The following AGAP1 variants were observed in gnomAD, a reference collection of about 807,000 sequenced individuals.
AGAP1 encodes arf-GAP with GTPase, ANK repeat and PH domain-containing protein 1.
Under a neutral mutation model 105.3 loss-of-function variants are expected in AGAP1, and 29 were observed. The ratio of observed to expected loss-of-function variants is 0.28; its 90% CI spans 0.21 to 0.38. AGAP1 has a LOEUF of 0.38. AGAP1 is among the 10% of genes least tolerant of loss of function. The probability of loss-of-function intolerance (pLI) is 1.00; values close to 1 mark genes in which losing one functional copy is unlikely to be tolerated. For synonymous variants in AGAP1, 509 were observed against 485.9 expected, an observed-to-expected ratio of 1.05 and a Z score of -0.63; for missense variants, 998 against 1,165.1, an observed-to-expected ratio of 0.86 and a Z score of 2.09.
Position 235,717,498 on chromosome 2 carries a change from T to TG in AGAP1, c.223-58dup, listed in dbSNP as rs1951175547. 4 of 1,467,630 alleles carry TG rather than the reference T, an allele frequency of 2.7e-6. No homozygotes were observed. In the African/African-American group the frequency reaches 4.3e-5, roughly 16 times the overall value. 90.9% of individuals were successfully genotyped at this position (1,467,630 alleles called of 1,614,324 possible). The stretch of plus-strand genomic sequence containing the variant: ...CTGTCTATTTTAGCCTCTTAGTATT[T>TG]GCAAAATGCCAAATAGAGTGATTTG... On this transcript the variant is annotated intron_variant, in intron 2 of 17. Coordinates refer to ENST00000304032, the MANE Select transcript of AGAP1 (RefSeq NM_001037131.3).
intron 12 of AGAP1, among the ~76,000 whole-genome samples, chr2:235,932,087 A>G (rs1006668532): frequency 1.3e-5 from 2 of 152,344 alleles, no homozygotes; most frequent in South Asian, 2.1e-4. Flanking sequence ...TGAAAACCCC[A>G]AACAAGGAGG....
rs1159602622 is a variant in AGAP1, at chr2:236,090,978, A to G, written c.2115-29214A>G. ...GGTGTCGACCTCCTGACCTCAGGTG[A>G]TCTGCCCACCTCGGCCTCCCGAAGT... is the stretch of plus-strand genomic sequence containing the variant. On this transcript the variant is annotated intron_variant, in intron 16 of 17. Coordinates refer to ENST00000304032, the MANE Select transcript of AGAP1 (RefSeq NM_001037131.3). The surrounding 1 kb of genome is among the most constrained non-coding windows in gnomAD (Gnocchi z 4.3). Among the ~76,000 whole-genome samples the G allele has an allele frequency of 6.6e-6, 1 of 152,174 alleles. No homozygotes were observed. The highest frequency in any genetic ancestry group is 1.5e-5 in the Non-Finnish European group (1 of 68,028).
chr2:235,688,610 G>A (rs970857226), intron 1 of AGAP1, among the ~76,000 whole-genome samples: 1 of 152,180 alleles, frequency 6.6e-6, no homozygotes, highest in African/African-American at 2.4e-5. Context: ...TCCAGTTATA[G>A]GTGGGTGGGA....
At chr2:235,602,113 A>G (rs555872791) in intron 1 of AGAP1, among the ~76,000 whole-genome samples, 2 of 152,310 alleles carry the variant, frequency 1.3e-5, no homozygotes, top group South Asian at 4.1e-4. Context: ...CTGCTTCTGT[A>G]TGGCTTTCTA....
chr2:236,108,979 A>G (rs2059577479), intron 16 of AGAP1, among the ~76,000 whole-genome samples: 1 of 152,186 alleles, frequency 6.6e-6, no homozygotes. Flanking sequence ...TTACCCCTTG[A>G]CAATGTGCTG....
intron 9 of AGAP1, among the ~76,000 whole-genome samples, chr2:235,857,593 G>A (rs1489409900): frequency 6.6e-6 from 1 of 152,140 alleles, no homozygotes; most frequent in Non-Finnish European, 1.5e-5. Context: ...CCAAGAACAT[G>A]GATGCATTGC....
rs189669697 is a variant in AGAP1 at position 236,062,698 on chromosome 2, G to T, written c.2114+13417G>T. On this transcript the variant is annotated intron_variant, in intron 16 of 17. Transcript: ENST00000304032. This position sits in a 1 kb window ranked among gnomAD's most constrained non-coding sequence, Gnocchi z 4.2. ...TTTGTTTGAGATGGAATCTCACTCT[G>T]TCACCCAGGCTGGAGTGCAGTGGAG... Among the ~76,000 whole-genome samples, 3 of 152,222 alleles carry T rather than the reference G, an allele frequency of 2.0e-5. 1 individual carries two copies. Among genetic ancestry groups the T allele is most frequent in the African/African-American group, 4.8e-5 (2 of 41,540 alleles).
chr2:236,030,818 A>G (rs781210311), intron 13 of AGAP1, among the ~76,000 whole-genome samples: 1 of 152,198 alleles, frequency 6.6e-6, no homozygotes, highest in Non-Finnish European at 1.5e-5. Context: ...GCGAAGTGTT[A>G]AAGGTGGGCC....
Position 235,908,655 on chromosome 2 carries a change from C to T in AGAP1, c.1156-83C>T, listed in dbSNP as rs1051958531. 15 of 1,326,078 alleles carry T rather than the reference C, an allele frequency of 1.1e-5. No individual in the cohort carries two copies. Among genetic ancestry groups the T allele is most frequent in the Admixed American group, 9.5e-5 (4 of 42,008 alleles). 82.1% of individuals were successfully genotyped at this position (1,326,078 alleles called of 1,614,324 possible). A position where few individuals can be genotyped will look rare whatever the true frequency, so the allele number is the denominator to read the frequency against. On this transcript the variant is annotated intron_variant, in intron 10 of 17. Coordinates refer to ENST00000304032, the MANE Select transcript of AGAP1 (RefSeq NM_001037131.3). This position sits in a 1 kb window ranked among gnomAD's most constrained non-coding sequence, Gnocchi z 4.4. ...AGGGTCATAGGGTTTTAACTCATGACGTCTGATAGACCCTTTTGTTCTAGG... is the reference window on the plus strand; with the variant it reads ...AGGGTCATAGGGTTTTAACTCATGATGTCTGATAGACCCTTTTGTTCTAGG...
Position 236,005,216 on chromosome 2 carries a change from G to T in AGAP1, c.1646-31345G>T, listed in dbSNP as rs889654317. Among the ~76,000 whole-genome samples the T allele has an allele frequency of 2.9e-4, 44 of 152,068 alleles. No homozygotes were observed. Among genetic ancestry groups the T allele is most frequent in the Admixed American group, 2.4e-3 (36 of 15,272 alleles). ...GGCTGGAGTGCAATGGTGCAATCTT[G>T]GCTCTTGCAACCTCCGCCTCCCAGA... is the stretch of plus-strand genomic sequence containing the variant. On this transcript the variant is annotated intron_variant, in intron 13 of 17. Coordinates refer to ENST00000304032, the MANE Select transcript of AGAP1 (RefSeq NM_001037131.3). The surrounding 1 kb of genome is among the most constrained non-coding windows in gnomAD (Gnocchi z 4.1).
intron 13 of AGAP1, among the ~76,000 whole-genome samples, chr2:236,006,911 G>C (rs2056340789): frequency 6.6e-6 from 1 of 152,194 alleles, no homozygotes; most frequent in African/African-American, 2.4e-5. Flanking sequence ...TTAAATGAAA[G>C]AAATGAGACA....
At chr2:235,653,308 A>AC (rs1311419909) in intron 1 of AGAP1, among the ~76,000 whole-genome samples, 27 of 151,586 alleles carry the variant, frequency 1.8e-4, no homozygotes, top group Non-Finnish European at 2.1e-4. Context: ...TCCTAAAAAT[A>AC]AAAAAATTAG....
rs2058068202 is a variant in AGAP1 at position 236,056,966 on chromosome 2, T to G, written c.2114+7685T>G. 6.6e-6 allele frequency among the ~76,000 whole-genome samples: 1 copy of G among 152,212 alleles called. No individual in the cohort carries two copies. The highest frequency in any genetic ancestry group is 2.4e-5 in the African/African-American group (1 of 41,462). The stretch of plus-strand genomic sequence containing the variant: ...CCCACTCGCCCCTGGTCAGTTTCTA[T>G]CTCAGTAGCCATCGTGTGTCAAACT... On this transcript the variant is annotated intron_variant, in intron 16 of 17. Transcript: ENST00000304032. This position sits in a 1 kb window ranked among gnomAD's most constrained non-coding sequence, Gnocchi z 4.6.
chr2:236,073,199 A>G lies in AGAP1; in HGVS notation c.2114+23918A>G, dbSNP rs892986866. 1.3e-5 allele frequency among the ~76,000 whole-genome samples: 2 copies of G among 151,556 alleles called. No individual in the cohort carries two copies. Among genetic ancestry groups the G allele is most frequent in the African/African-American group, 2.4e-5 (1 of 41,252 alleles). ...TTTAGTAGAGACGGGGTTTCTCCAT[A>G]TTGGCCAGGCTGGTCTCGAACTCCT... is the stretch of plus-strand genomic sequence containing the variant. On this transcript the variant is annotated intron_variant, in intron 16 of 17. Transcript: ENST00000304032. The surrounding 1 kb of genome is among the most constrained non-coding windows in gnomAD (Gnocchi z 5.4).
intron 1 of AGAP1, among the ~76,000 whole-genome samples, chr2:235,706,339 C>T (rs1950532346): frequency 6.6e-6 from 1 of 152,200 alleles, no homozygotes; most frequent in Admixed American, 6.5e-5. Context: ...ATTCTCCTGC[C>T]TCAGGCTCCC....
rs1398156554 is a variant in AGAP1, at chr2:235,724,130, G to A, written c.310+6486G>A. ...AATTCAGCAGGGGCTCCTTCCTTCA[G>A]TGATGGAATCTGGAGTTTCTGACTG... On this transcript the variant is annotated intron_variant, in intron 3 of 17. Coordinates refer to ENST00000304032, the MANE Select transcript of AGAP1 (RefSeq NM_001037131.3). This position sits in a 1 kb window ranked among gnomAD's most constrained non-coding sequence, Gnocchi z 4.9. Among the ~76,000 whole-genome samples the A allele has an allele frequency of 2.0e-5, 3 of 152,226 alleles. No homozygotes were observed. The East Asian group carries it at 5.8e-4, about 29-fold the overall frequency.
chr2:235,651,453 G>A (rs1312922993), intron 1 of AGAP1, among the ~76,000 whole-genome samples: 2 of 152,182 alleles, frequency 1.3e-5, no homozygotes, highest in Non-Finnish European at 2.9e-5. Flanking sequence ...GGTTATTCCT[G>A]ATGTTTAAAC....
Position 236,109,423 on chromosome 2 carries a change from A to G in AGAP1, c.2115-10769A>G, listed in dbSNP as rs1167443953. Among the ~76,000 whole-genome samples, 1 of 152,052 alleles carries G rather than the reference A, an allele frequency of 6.6e-6. No homozygotes were observed. The highest frequency in any genetic ancestry group is 1.5e-5 in the Non-Finnish European group (1 of 68,034). On this transcript the variant is annotated intron_variant, in intron 16 of 17. Coordinates refer to ENST00000304032, the MANE Select transcript of AGAP1 (RefSeq NM_001037131.3). The surrounding 1 kb of genome is among the most constrained non-coding windows in gnomAD (Gnocchi z 5.4). ...TTATTCATCTTTGTAATTATTATAA[A>G]TATTTATAATAATAAATTATAGATA... is the stretch of plus-strand genomic sequence containing the variant.
At chr2:235,841,881 A>G (rs1164866308) in intron 9 of AGAP1, among the ~76,000 whole-genome samples, 1 of 150,618 alleles carries the variant, frequency 6.6e-6, no homozygotes, top group Non-Finnish European at 1.5e-5. Context: ...CTGTTTCCTC[A>G]CCCGTATCCT....
Sources: allele counts gnomAD v4.1 joint callset (sites outside exome capture counted in the v4.1 genomes callset), GRCh38; gene constraint gnomAD v4.1.1; non-coding constraint Gnocchi (gnomAD v3.1); transcripts MANE v1.5; gene names NCBI Gene and HGNC (gene_info 2026-07-23, HGNC 2026-07-21).